The following AGBL1 variants were observed in gnomAD, a reference collection of about 807,000 sequenced individuals.
AGBL1 encodes the protein AGBL carboxypeptidase 1, also known as cytosolic carboxypeptidase 4.
Under a neutral mutation model 118.9 loss-of-function variants are expected in AGBL1, and 130 were observed. The ratio of observed to expected loss-of-function variants is 1.09; its 90% confidence interval spans 0.95 to 1.26. AGBL1 has a LOEUF of 1.26. AGBL1 is among the 50% of genes most tolerant of loss of function. The pLI, the probability that AGBL1 is intolerant of heterozygous loss-of-function variation, is 0.00. For missense variants in AGBL1, 1,584 were observed against 1,298.1 expected, an observed-to-expected ratio of 1.22 and a Z score of -3.38; for synonymous variants, 555 against 478.9, an observed-to-expected ratio of 1.16 and a Z score of -2.08.
chr15:86,352,670 T>C lies in AGBL1; in HGVS notation c.2375-44696T>C, dbSNP rs139713246. Among the ~76,000 whole-genome samples the C allele has an allele frequency of 6.6e-5, 10 of 152,182 alleles. No homozygotes were observed. The East Asian group carries it at 1.9e-3, about 29-fold the overall frequency. On this transcript the variant is annotated intron_variant, in intron 17 of 22. Transcript: ENST00000614907. The stretch of plus-strand genomic sequence containing the variant: ...CTAATTTTTGTATTTTTAGTAGAGA[T>C]GGGGTTTCACTATGTTGGCCAGGCT...
intron 17 of AGBL1, among the ~76,000 whole-genome samples, chr15:86,329,483 C>T (rs528373171): frequency 5.9e-5 from 9 of 152,184 alleles, no homozygotes; most frequent in South Asian, 4.2e-4. Flanking sequence ...TTGGAGCACC[C>T]GCTCACCTGA....
chr15:86,141,519 C>T (rs766231685), intron 1 of AGBL1, among the ~76,000 whole-genome samples: 5 of 152,160 alleles, frequency 3.3e-5, no homozygotes, highest in South Asian at 2.1e-4. Context: ...GGGGTGGTGG[C>T]ACATGCCTGT....
At chr15:86,822,988 A>G (rs1374720498) in intron 22 of AGBL1, among the ~76,000 whole-genome samples, 1 of 152,198 alleles carries the variant, frequency 6.6e-6, no homozygotes, top group African/African-American at 2.4e-5. Context: ...AGAAGTCAAC[A>G]TGGCACATGA....
intron 23 of AGBL1, among the ~76,000 whole-genome samples, chr15:86,951,487 A>G (rs1053828034): frequency 1.3e-5 from 2 of 152,220 alleles, no homozygotes; most frequent in Non-Finnish European, 2.9e-5. Context: ...AAAAAATTCT[A>G]TATAGTAACA....
At position 86,980,014 on chromosome 15, in the gene AGBL1, T is replaced by A. The variant is rs1468210251; in HGVS notation, c.3222-7973T>A. 2.6e-5 allele frequency among the ~76,000 whole-genome samples: 4 copies of A among 152,182 alleles called. No individual in the cohort carries two copies. The East Asian group carries it at 7.7e-4, about 29-fold the overall frequency. ...CCCTTCCTCTCCCCTAATGCCCTTA[T>A]CTCCAAATATAGCCTGAGAAATTGT... On this transcript the variant is annotated intron_variant, in intron 23 of 24. Coordinates refer to the AGBL1 transcript ENST00000441037.
intron 22 of AGBL1, among the ~76,000 whole-genome samples, chr15:86,762,851 A>T (rs1377944160): frequency 1.3e-5 from 2 of 151,950 alleles, no homozygotes; most frequent in Admixed American, 1.3e-4. Context: ...GGGATAGTTG[A>T]GTGTGTTGTA....
At chr15:86,117,654 T>C (rs1437684553) in intron 1 of AGBL1, among the ~76,000 whole-genome samples, 6 of 152,224 alleles carry the variant, frequency 3.9e-5, no homozygotes, top group Admixed American at 3.3e-4. Flanking sequence ...ACAAGAGGTA[T>C]TCAAAACTCT....
intron 1 of AGBL1, among the ~76,000 whole-genome samples, chr15:86,140,576 G>A (rs1237989357): frequency 1.3e-5 from 2 of 152,298 alleles, no homozygotes; most frequent in East Asian, 3.9e-4. Flanking sequence ...TGGGAAGCAA[G>A]ATTATACCAT....
intron 17 of AGBL1, among the ~76,000 whole-genome samples, chr15:86,388,787 A>T (rs949805525): frequency 6.6e-6 from 1 of 152,204 alleles, no homozygotes; most frequent in East Asian, 1.9e-4. Flanking sequence ...CCTTATAAGC[A>T]AGATAGTGAT....
chr15:86,956,154 T>G (rs1369158323), intron 23 of AGBL1, among the ~76,000 whole-genome samples: 1 of 152,022 alleles, frequency 6.6e-6, no homozygotes, highest in Non-Finnish European at 1.5e-5. Context: ...AATTCTGTAT[T>G]AGGGTTCTCT....
chr15:86,171,073 A>G (rs1165852034), intron 5 of AGBL1, among the ~76,000 whole-genome samples: 1 of 152,210 alleles, frequency 6.6e-6, no homozygotes, highest in Non-Finnish European at 1.5e-5. Context: ...CTGATGAAAT[A>G]AAGACTTTTC....
chr15:86,930,948 C>T (rs2080596690), intron 23 of AGBL1, among the ~76,000 whole-genome samples: 1 of 152,096 alleles, frequency 6.6e-6, no homozygotes. Context: ...CCATAAATCC[C>T]TTAGTTGTTT....
At chr15:86,809,492 T>C (rs1305064605) in intron 22 of AGBL1, among the ~76,000 whole-genome samples, 1 of 152,184 alleles carries the variant, frequency 6.6e-6, no homozygotes, top group African/African-American at 2.4e-5. Flanking sequence ...CATTCCTTTA[T>C]ATCTGTGTCC....
chr15:86,671,112 G>A (rs755551456), intron 21 of AGBL1, among the ~76,000 whole-genome samples: 1 of 152,128 alleles, frequency 6.6e-6, no homozygotes, highest in Non-Finnish European at 1.5e-5. Flanking sequence ...TGAGTGACCA[G>A]CGCATAGTAA....
At chr15:86,345,702 T>C (rs1196771582) in intron 17 of AGBL1, among the ~76,000 whole-genome samples, 1 of 152,160 alleles carries the variant, frequency 6.6e-6, no homozygotes, top group Non-Finnish European at 1.5e-5. Flanking sequence ...TTTTTCCCAA[T>C]TGAGGGCTTG....
At chr15:86,733,483 T>C (rs1157466765) in intron 22 of AGBL1, among the ~76,000 whole-genome samples, 1 of 152,164 alleles carries the variant, frequency 6.6e-6, no homozygotes, top group Non-Finnish European at 1.5e-5. Context: ...CTTAGCTCAG[T>C]TAAGTTGACA....
intron 23 of AGBL1, chr15:86,987,944 T>C (rs1256182703): frequency 6.3e-7 from 1 of 1,591,652 alleles, no homozygotes; most frequent in Non-Finnish European, 8.5e-7. Context: ...CACTATGGTT[T>C]ATTTTCACCA....
downstream of AGBL1, among the ~76,000 whole-genome samples, chr15:87,030,371 T>C (rs1022000501): frequency 2.6e-5 from 4 of 152,028 alleles, no homozygotes; most frequent in Admixed American, 6.6e-5. Context: ...TTCTTAGATA[T>C]AATTTTTATT....
intron 1 of AGBL1, among the ~76,000 whole-genome samples, chr15:86,108,388 G>A (rs1262630986): frequency 1.3e-5 from 2 of 152,194 alleles, no homozygotes; most frequent in Non-Finnish European, 1.5e-5. Context: ...TACAGCTATA[G>A]CTTTACTGCT....
Sources: allele counts gnomAD v4.1 joint callset (sites outside exome capture counted in the v4.1 genomes callset), GRCh38; gene constraint gnomAD v4.1.1; transcripts MANE v1.5; gene names NCBI Gene and HGNC (gene_info 2026-07-23, HGNC 2026-07-21).